EOGT: variants seen among roughly 807,000 people sequenced by gnomAD.
EOGT encodes EGF domain specific O-linked N-acetylglucosamine transferase.
In EOGT, 55 loss-of-function variants were observed where a neutral mutation model predicts 70.5. The ratio of observed to expected loss-of-function variants is 0.78; its 90% CI spans 0.63 to 0.98. EOGT has a LOEUF of 0.98. EOGT is among the 50% of genes least tolerant of loss of function. EOGT has a pLI of 0.00. For missense variants in EOGT, 703 were observed against 641.9 expected, an observed-to-expected ratio of 1.10 and a Z score of -1.03; for synonymous variants, 246 against 217.1, an observed-to-expected ratio of 1.13 and a Z score of -1.17.
chr3:68,976,354 A>G lies in EOGT; in HGVS notation c.*1264T>C, dbSNP rs2090472123. The G allele has an allele frequency of 6.6e-6, 1 of 152,222 alleles. No homozygotes were observed. The highest frequency in any genetic ancestry group is 1.5e-5 in the Non-Finnish European group (1 of 68,038). 9.4% of individuals were successfully genotyped at this position (152,222 alleles called of 1,614,324 possible). ...CAAATACTCGCATAAAATGGAAACC[A>G]TTATTTCATATATAAATTAATTAAT... On this transcript the variant is annotated 3_prime_UTR_variant, in exon 18 of 18. Coordinates refer to ENST00000383701, the MANE Select transcript of EOGT (RefSeq NM_001278689.2).
At chr3:68,991,195 A>G (rs952539285) in intron 10 of EOGT, among the ~76,000 whole-genome samples, 5 of 152,218 alleles carry the variant, frequency 3.3e-5, no homozygotes, top group African/African-American at 1.2e-4. Flanking sequence ...CATGTTTCCC[A>G]AGTCCAAATT....
intron 6 of EOGT, among the ~76,000 whole-genome samples, chr3:69,007,280 C>T (rs1262698891): frequency 6.6e-6 from 1 of 152,108 alleles, no homozygotes; most frequent in Non-Finnish European, 1.5e-5. Flanking sequence ...GTGAGGAATT[C>T]CTTTCATAGT....
rs1440742735 is a variant in EOGT at position 68,995,123 on chromosome 3, T to G, written c.831+2888A>C. On this transcript the variant is annotated intron_variant, in intron 10 of 17. Transcript: ENST00000383701. ...TCACAGTTACCTCCCTGCTCTTCCC[T>G]GGGCAAACTGCTCATCCAAGACCAT... 2.0e-5 allele frequency among the ~76,000 whole-genome samples: 3 copies of G among 152,286 alleles called. No individual in the cohort carries two copies. In the East Asian group the frequency reaches 5.8e-4, roughly 29 times the overall value.
chr3:68,996,367 C>T (rs1233277452), intron 10 of EOGT, among the ~76,000 whole-genome samples: 2 of 152,156 alleles, frequency 1.3e-5, no homozygotes, highest in Non-Finnish European at 2.9e-5. Flanking sequence ...AGAATTTGAC[C>T]TCCTGTTAAC....
intron 15 of EOGT, among the ~76,000 whole-genome samples, chr3:68,981,832 T>A (rs2090650837): frequency 7.0e-6 from 1 of 143,008 alleles, no homozygotes; most frequent in Non-Finnish European, 1.5e-5. Context: ...TTTTGATAAC[T>A]TTTTTGTTAT....
At chr3:69,005,113 A>C in intron 7 of EOGT, 27 bp downstream of exon 7, 1 of 1,179,634 alleles carries the variant, frequency 8.5e-7, no homozygotes, top group Admixed American at 2.2e-5. Flanking sequence ...AATTTATACT[A>C]GATGTTAACA....
At position 68,984,411 on chromosome 3, in the gene EOGT, C is replaced by T. The variant is rs151226155; in HGVS notation, c.1153-1539G>A. Among the ~76,000 whole-genome samples, 1,140 of 152,282 alleles carry T rather than the reference C, an allele frequency of 7.5e-3. 24 individuals carry two copies. The highest frequency in any genetic ancestry group is 0.026 in the African/African-American group (1,065 of 41,550). ...ACATAAAAGGAATCATGTGTGCTGA[C>T]GGTCTCAGGGCAAGCATGCCCTTTT... is the stretch of plus-strand genomic sequence containing the variant. On this transcript the variant is annotated intron_variant, in intron 14 of 17. Transcript: ENST00000383701.
chr3:68,981,870 T>C (rs2107155773), intron 15 of EOGT, among the ~76,000 whole-genome samples: 1 of 152,198 alleles, frequency 6.6e-6, no homozygotes, highest in South Asian at 2.1e-4. Context: ...TATCAAATAT[T>C]TGATAAATTT....
intron 6 of EOGT, 122 bp downstream of exon 6, chr3:69,007,591 G>C: frequency 2.4e-6 from 1 of 424,244 alleles, no homozygotes; most frequent in Non-Finnish European, 4.3e-6. Flanking sequence ...GGCAGAGGTT[G>C]CAGTGAGCTG....
At chr3:68,995,083 A>T (rs2091107901) in intron 10 of EOGT, among the ~76,000 whole-genome samples, 1 of 152,188 alleles carries the variant, frequency 6.6e-6, no homozygotes, top group African/African-American at 2.4e-5. Flanking sequence ...AATATCACCA[A>T]GATGTGAACT....
intron 14 of EOGT, among the ~76,000 whole-genome samples, chr3:68,985,926 C>G (rs1289926392): frequency 2.6e-5 from 4 of 152,178 alleles, no homozygotes; most frequent in Non-Finnish European, 4.4e-5. Context: ...CCTGCAGGCT[C>G]CAGGAAAGAA....
intron 6 of EOGT, among the ~76,000 whole-genome samples, chr3:69,006,384 T>G (rs1040293916): frequency 6.6e-6 from 1 of 152,206 alleles, no homozygotes; most frequent in Non-Finnish European, 1.5e-5. Context: ...CTATAAAGTA[T>G]ATACTCAGTT....
intron 10 of EOGT, among the ~76,000 whole-genome samples, chr3:68,990,196 A>C (rs557728000): frequency 1.9e-3 from 287 of 152,226 alleles, no homozygotes; most frequent in African/African-American, 6.8e-3. Flanking sequence ...TATTTTGCAG[A>C]TGAGGAAACT....
At position 68,997,139 on chromosome 3, in the gene EOGT, AG is replaced by A. The variant is rs1442751663; in HGVS notation, c.831+871del. The stretch of plus-strand genomic sequence containing the variant: ...CAGGCAAAGAGAGAGAAGGAAAAAA[AG>A]ATTGCACTAAAAACAAATAAATAGC... On this transcript the variant is annotated intron_variant, in intron 10 of 17. Transcript: ENST00000383701. Among the ~76,000 whole-genome samples, 3 of 152,212 alleles carry A rather than the reference AG, an allele frequency of 2.0e-5. No individual in the cohort carries two copies. In the East Asian group the frequency reaches 5.8e-4, roughly 29 times the overall value.
chr3:68,978,257 C>A, intron 17 of EOGT, 76 bp downstream of exon 17: 1 of 1,057,970 alleles, frequency 9.5e-7, no homozygotes. Flanking sequence ...GTTCAATAAC[C>A]ATTTTTCATA....
rs532055731 is a variant in EOGT, at chr3:68,994,288, G to T, written c.831+3723C>A. 1.2e-4 allele frequency among the ~76,000 whole-genome samples: 19 copies of T among 152,210 alleles called. No homozygotes were observed. The South Asian group carries it at 2.7e-3, about 22-fold the overall frequency. ...GAGCCCAGGAGAGCAAGGCTGCAGT[G>T]AGCTAGGATCATATTCCTGGACTTT... On this transcript the variant is annotated intron_variant, in intron 10 of 17. Coordinates refer to ENST00000383701, the MANE Select transcript of EOGT (RefSeq NM_001278689.2).
At chr3:68,996,508 G>C (rs1282540268) in intron 10 of EOGT, among the ~76,000 whole-genome samples, 7 of 152,234 alleles carry the variant, frequency 4.6e-5, no homozygotes, top group Non-Finnish European at 8.8e-5. Context: ...CGGATTCCCT[G>C]AGTACGCTGA....
intron 14 of EOGT, among the ~76,000 whole-genome samples, chr3:68,985,387 G>T (rs1040929256): frequency 2.1e-4 from 32 of 151,982 alleles, no homozygotes; most frequent in African/African-American, 7.7e-4. Flanking sequence ...ACATAATTCG[G>T]ATCAGCCTGT....
In EOGT at chr3:69,004,539, C is replaced by T. The variant is rs943680653; in HGVS notation, c.516-57G>A. On this transcript the variant is annotated intron_variant, in intron 7 of 17. Coordinates refer to ENST00000383701, the MANE Select transcript of EOGT (RefSeq NM_001278689.2). ...AGAAAACGTCTTCATGACCCAAGCA[C>T]GTGGGTTGTAACTAAAGTGGATTAC... 22 of 1,206,952 alleles carry T rather than the reference C, an allele frequency of 1.8e-5. No homozygotes were observed. The African/African-American group carries it at 2.1e-4, about 12-fold the overall frequency. The allele number at this position is 1,206,952 out of a possible 1,614,324, so 74.8% of individuals were successfully genotyped here. A position where few individuals can be genotyped will look rare whatever the true frequency, so the allele number is the denominator to read the frequency against.
Sources: gnomAD v4.1 joint callset for allele counts (sites outside exome capture counted in the v4.1 genomes callset) on GRCh38, gnomAD v4.1.1 for gene constraint, MANE v1.5 for transcripts, NCBI Gene and HGNC (gene_info 2026-07-23, HGNC 2026-07-21) for gene names.